The following CTDSPL variants were observed in gnomAD, a reference collection of about 807,000 sequenced individuals.
CTDSPL encodes the protein CTD small phosphatase-like protein.
A neutral mutation model predicts 30.5 loss-of-function variants in CTDSPL; 8 were observed. That is an observed-to-expected ratio of 0.26 (90% CI 0.15 to 0.47). The LOEUF is 0.47. Ranked by LOEUF, CTDSPL falls within the 20% of genes least tolerant of loss-of-function variation. The probability of loss-of-function intolerance (pLI) is 0.99; values close to 1 mark genes in which losing one functional copy is unlikely to be tolerated. For synonymous variants in CTDSPL, 110 were observed against 137.9 expected (o/e 0.80, Z 1.42); for missense variants, 248 against 366.1 (o/e 0.68, Z 2.63).
intron 2 of CTDSPL, among the ~76,000 whole-genome samples, chr3:37,951,654 C>G (rs992480007): frequency 5.3e-5 from 8 of 152,140 alleles, no homozygotes; most frequent in Admixed American, 2.0e-4. Context: ...CCCCTCCAGC[C>G]TGGGTGACAG....
At chr3:37,968,265 G>A (rs1559647493) in intron 5 of CTDSPL, 1 of 457,838 alleles carries the variant, frequency 2.2e-6, no homozygotes, top group Admixed American at 2.4e-5. Context: ...GGACTCTCGG[G>A]AAAAAGTGTC....
chr3:37,902,453 A>G (rs548705802), intron 1 of CTDSPL, among the ~76,000 whole-genome samples: 34 of 152,174 alleles, frequency 2.2e-4, no homozygotes, highest in African/African-American at 8.2e-4. Context: ...GGGTCTCTGT[A>G]CTTCCCAGCA....
intron 2 of CTDSPL, among the ~76,000 whole-genome samples, chr3:37,955,525 A>C (rs1376026706): frequency 6.6e-6 from 1 of 152,230 alleles, no homozygotes. Context: ...AAAAAGAAGA[A>C]GTCATGTCAT....
intron 5 of CTDSPL, among the ~76,000 whole-genome samples, chr3:37,969,033 G>A (rs1699332771): frequency 6.6e-6 from 1 of 152,172 alleles, no homozygotes; most frequent in South Asian, 2.1e-4. Flanking sequence ...CCATCACAGA[G>A]CCAAAACGGC....
intron 1 of CTDSPL, among the ~76,000 whole-genome samples, chr3:37,871,873 T>A (rs1698075017): frequency 6.6e-6 from 1 of 152,224 alleles, no homozygotes; most frequent in Non-Finnish European, 1.5e-5. Flanking sequence ...TTTGTTGGGT[T>A]TTTTTCCTTA....
chr3:37,976,652 A>C (rs1295767958), intron 7 of CTDSPL, among the ~76,000 whole-genome samples: 3 of 152,040 alleles, frequency 2.0e-5, no homozygotes, highest in Non-Finnish European at 2.9e-5. Context: ...AAAAATGAAT[A>C]AAACACTTCA....
chr3:37,921,068 A>T (rs1297277100), intron 1 of CTDSPL, among the ~76,000 whole-genome samples: 1 of 152,202 alleles, frequency 6.6e-6, no homozygotes, highest in Non-Finnish European at 1.5e-5. Flanking sequence ...GGGAGTCCAG[A>T]GAGGAAGAGC....
At chr3:37,913,700 G>A (rs75100248) in intron 1 of CTDSPL, among the ~76,000 whole-genome samples, 5,749 of 152,252 alleles carry the variant, frequency 0.038, 133 homozygotes, top group African/African-American at 0.062. Context: ...CCAAAAAGGG[G>A]AAGAACTTCT....
At chr3:37,948,569 T>TGG (rs1170638088) in intron 2 of CTDSPL, among the ~76,000 whole-genome samples, 1 of 151,996 alleles carries the variant, frequency 6.6e-6, no homozygotes, top group East Asian at 1.9e-4. Flanking sequence ...AGACCAGGAG[T>TGG]GGCTGTGGGC....
At chr3:37,965,392 T>C (rs1157558304) in intron 4 of CTDSPL, among the ~76,000 whole-genome samples, 3 of 152,206 alleles carry the variant, frequency 2.0e-5, no homozygotes, top group African/African-American at 7.2e-5. Flanking sequence ...AATGAGTTAG[T>C]TAACCATTTT....
rs1196236559 is a variant in CTDSPL at position 37,974,208 on chromosome 3, A to G, written c.520-1501A>G. Among the ~76,000 whole-genome samples, 7 of 152,204 alleles carry G rather than the reference A, an allele frequency of 4.6e-5. 1 individual carries two copies. The highest frequency in any genetic ancestry group is 2.1e-4 in the South Asian group (1 of 4,834). On this transcript the variant is annotated intron_variant, in intron 6 of 7. Coordinates refer to ENST00000273179, the MANE Select transcript of CTDSPL (RefSeq NM_001008392.2). The stretch of plus-strand genomic sequence containing the variant: ...ACCCACGTGGCCCCTGGTTAGCCTC[A>G]CCAGCAGATGACTGTAGTGCCCTGA...
intron 1 of CTDSPL, among the ~76,000 whole-genome samples, chr3:37,921,195 C>T (rs1387819068): frequency 6.6e-6 from 1 of 152,232 alleles, no homozygotes; most frequent in Non-Finnish European, 1.5e-5. Flanking sequence ...CATTTTCCCC[C>T]CAGGTAACAG....
chr3:37,862,429 G>C lies in CTDSPL; in HGVS notation c.79+151G>C. 1.8e-6 allele frequency: 1 copy of C among 545,770 alleles called. No homozygotes were observed. The highest frequency in any genetic ancestry group is 4.2e-5 in the East Asian group (1 of 23,900). 33.8% of individuals were successfully genotyped at this position (545,770 alleles called of 1,614,324 possible). A position where few individuals can be genotyped will look rare whatever the true frequency, so the allele number is the denominator to read the frequency against. On this transcript the variant is annotated intron_variant, in intron 1 of 7. Coordinates refer to ENST00000273179, the MANE Select transcript of CTDSPL (RefSeq NM_001008392.2). This position sits in a 1 kb window ranked among gnomAD's most constrained non-coding sequence, Gnocchi z 4.3. ...TGGGGTGCGCCCGGAGGAGAGCGAG[G>C]CTGCCAGAGTGCGTGTGCCGACTGA... is the stretch of plus-strand genomic sequence containing the variant.
intron 1 of CTDSPL, among the ~76,000 whole-genome samples, chr3:37,937,889 A>G (rs1698933685): frequency 6.6e-6 from 1 of 150,498 alleles, no homozygotes; most frequent in Non-Finnish European, 1.5e-5. Flanking sequence ...AATCTTTGTC[A>G]GTGTTAAGTC....
chr3:37,972,487 C>T (rs1191705615), intron 6 of CTDSPL, among the ~76,000 whole-genome samples: 1 of 152,078 alleles, frequency 6.6e-6, no homozygotes, highest in East Asian at 1.9e-4. Context: ...GACTCCGTCT[C>T]AAAAATATAT....
intron 1 of CTDSPL, among the ~76,000 whole-genome samples, chr3:37,868,881 G>C (rs1214842047): frequency 1.3e-5 from 2 of 151,960 alleles, no homozygotes; most frequent in Non-Finnish European, 2.9e-5. Context: ...TGTTTTAGCT[G>C]TTCTAGTTTT....
At chr3:37,980,308 G>A (rs1048300402) in intron 7 of CTDSPL, among the ~76,000 whole-genome samples, 1 of 152,174 alleles carries the variant, frequency 6.6e-6, no homozygotes, top group African/African-American at 2.4e-5. Context: ...ACCCTAAGTG[G>A]AAGCCTTCCT....
At position 37,947,068 on chromosome 3, in the gene CTDSPL, A is replaced by C. The variant is rs1203954712; in HGVS notation, c.91A>C (p.Asn31His). 2 of 1,613,430 alleles carry C rather than the reference A, an allele frequency of 1.2e-6. No homozygotes were observed. Among genetic ancestry groups the C allele is most frequent in the Non-Finnish European group, 1.7e-6 (2 of 1,179,680 alleles). Residue 31 changes from asparagine (N) to histidine (H), a missense_variant, in exon 2 of 8, where the codon AAC (asparagine) becomes CAC (histidine). This residue lies in a region of CTDSPL where 118 missense variants were observed against 124.7 expected (regional missense o/e 0.95). Transcript: ENST00000273179. Reference protein sequence around the residue: ...PGAGEKASQCNVSLKKQRSRS... With the variant: ...PGAGEKASQCHVSLKKQRSRS... ...GTTTCTGTTTCCAGCCTCCCAGTGC[A>C]ACGTCAGCTTAAAGAAGCAGAGGAG...
chr3:37,945,478 G>A (rs1699024764), intron 1 of CTDSPL, among the ~76,000 whole-genome samples: 2 of 152,228 alleles, frequency 1.3e-5, no homozygotes, highest in African/African-American at 4.8e-5. Flanking sequence ...TATGTGAGAT[G>A]AGGTTTGTGA....
Sources: gnomAD v4.1 joint callset for allele counts (sites outside exome capture counted in the v4.1 genomes callset) on GRCh38, gnomAD v4.1.1 for gene constraint, gnomAD v4.1.1 regional missense constraint, Gnocchi (gnomAD v3.1) non-coding constraint, MANE v1.5 for transcripts, NCBI Gene and HGNC (gene_info 2026-07-23, HGNC 2026-07-21) for gene names.